The following LRP2BP variants were observed in gnomAD, a reference collection of about 807,000 sequenced individuals.
LRP2BP encodes the protein LRP2-binding protein.
Under a neutral mutation model 45.2 loss-of-function variants are expected in LRP2BP, and 38 were observed. That is an observed-to-expected ratio of 0.84 (90% CI 0.65 to 1.10). LRP2BP has a LOEUF of 1.10. LRP2BP is among the 50% of genes least tolerant of loss of function. The pLI is 0.00. For synonymous variants in LRP2BP, 153 were observed against 153.9 expected (o/e 0.99, Z 0.04); for missense variants, 385 against 418.9 (o/e 0.92, Z 0.71).
At chr4:185,394,379 T>C (rs2095496439) in intron 1 of LRP2BP, among the ~76,000 whole-genome samples, 1 of 151,920 alleles carries the variant, frequency 6.6e-6, no homozygotes, top group African/African-American at 2.4e-5. Context: ...GAATGTGGGC[T>C]CTGGAGTCAA....
At position 185,395,173 on chromosome 4, in the gene LRP2BP, C is replaced by T. The variant is rs1004614378; in HGVS notation, c.-416G>A. The T allele has an allele frequency of 2.0e-6, 2 of 985,282 alleles. No homozygotes were observed. Among genetic ancestry groups the T allele is most frequent in the Admixed American group, 1.2e-4 (2 of 16,264 alleles). The allele number at this position is 985,282 out of a possible 1,614,324, so 61.0% of individuals were successfully genotyped here. On this transcript the variant is annotated 5_prime_UTR_variant, in exon 1 of 9. Coordinates refer to ENST00000505916, the MANE Select transcript of LRP2BP (RefSeq NM_001377440.1). Reference sequence around the variant, plus strand: ...AAGCTGTAACGACTCCCCAAATTTCCTTTCCTTATGAAATTTACGTATGTA... The same window carrying T: ...AAGCTGTAACGACTCCCCAAATTTCTTTTCCTTATGAAATTTACGTATGTA...
At chr4:185,373,209 C>T in intron 6 of LRP2BP, 130 bp from the exon 7 acceptor site, 1 of 817,260 alleles carries the variant, frequency 1.2e-6, no homozygotes, top group South Asian at 1.8e-5. Context: ...GAGCGGTAGG[C>T]CTTTGGACGC....
At position 185,374,468 on chromosome 4, in the gene LRP2BP, CAAAA is replaced by C. The variant is rs958099757; in HGVS notation, c.331-11_331-8del. The C allele has an allele frequency of 2.5e-6, 4 of 1,605,384 alleles. No homozygotes were observed. Among genetic ancestry groups the C allele is most frequent in the South Asian group, 1.1e-5 (1 of 88,968 alleles). Reference sequence around the variant, plus strand: ...TATAGTCCACCCCTTTCTCCTTCGACAAAAGAAAGAGCAAAAAAACCCTAGTTTT... The same window carrying C: ...TATAGTCCACCCCTTTCTCCTTCGACGAAAGAGCAAAAAAACCCTAGTTTT... On this transcript the variant is annotated splice_region_variant and splice_polypyrimidine_tract_variant and intron_variant, in intron 4 of 8. Coordinates refer to ENST00000505916, the MANE Select transcript of LRP2BP (RefSeq NM_001377440.1).
chr4:185,380,190 T>C (rs755083868), intron 1 of LRP2BP, among the ~76,000 whole-genome samples: 1 of 150,600 alleles, frequency 6.6e-6, no homozygotes, highest in South Asian at 2.1e-4. Flanking sequence ...ATATTTATTA[T>C]GTTTTGGGAA....
At position 185,370,787 on chromosome 4, in the gene LRP2BP, G is replaced by A. The variant is rs1421766491; in HGVS notation, c.831C>T (p.Asp277=). The part of the protein sequence containing the change: ...KRIADYDEVH[D]IPMIAQVTDC... ...CTGTGACCTGGGCGATCATGGGGAT[G>A]TCGTGAACCTCATCATAGTCAGCGA... Residue 277 remains aspartate, a synonymous_variant, in exon 8 of 9, where the codon GAC becomes GAT. Coordinates refer to ENST00000505916, the MANE Select transcript of LRP2BP (RefSeq NM_001377440.1). The A allele has an allele frequency of 2.5e-6, 4 of 1,614,162 alleles. No individual in the cohort carries two copies. The highest frequency in any genetic ancestry group is 1.1e-5 in the South Asian group (1 of 91,082).
chr4:185,392,296 C>A (rs1047591923), intron 1 of LRP2BP, among the ~76,000 whole-genome samples: 56 of 152,136 alleles, frequency 3.7e-4, no homozygotes, highest in Admixed American at 3.7e-3. Flanking sequence ...GACCACTGGA[C>A]CCTTCTGATT....
At position 185,378,081 on chromosome 4, in the gene LRP2BP, CA is replaced by C. The variant is rs761401564; in HGVS notation, c.105del (p.Asp36IlefsTer15). Reference protein sequence around the residue: ...QKFFQWKKEKTDYTHANLVDK... With the variant: ...QKFFQWKKEKXDYTHANLVDK... ...GAAGCTTAAATATCAGGATTTGTACCAGTCTTTTCCTTTTTCCACTGGAAAA... is the reference window on the plus strand; with the variant it reads ...GAAGCTTAAATATCAGGATTTGTACCGTCTTTTCCTTTTTCCACTGGAAAA... On this transcript the variant is annotated frameshift_variant and splice_region_variant, in exon 2 of 9. Transcript: ENST00000505916. LOFTEE classifies it high-confidence loss of function. 2 of 1,609,768 alleles carry C rather than the reference CA, an allele frequency of 1.2e-6. No individual in the cohort carries two copies. Among genetic ancestry groups the C allele is most frequent in the South Asian group, 2.2e-5 (2 of 90,692 alleles).
Position 185,394,973 on chromosome 4 carries a change from A to T in LRP2BP, c.-216T>A. 3 of 985,504 alleles carry T rather than the reference A, an allele frequency of 3.0e-6. No individual in the cohort carries two copies. The highest frequency in any genetic ancestry group is 3.6e-6 in the Non-Finnish European group (3 of 829,944). The allele number at this position is 985,504 out of a possible 1,614,324, so 61.0% of individuals were successfully genotyped here. A position where few individuals can be genotyped will look rare whatever the true frequency, so the allele number is the denominator to read the frequency against. On this transcript the variant is annotated 5_prime_UTR_variant, in exon 1 of 9. Transcript: ENST00000505916. ...CCTGGTGAAACTCCAGTTACTTGCC[A>T]GTAAGATATTGTCCCCCAAATGTAC...
upstream of LRP2BP, chr4:185,395,957 G>A (rs774677305): frequency 9.1e-5 from 87 of 958,240 alleles, 1 homozygote; most frequent in Admixed American, 1.8e-4. Flanking sequence ...AGCTGCCATC[G>A]GAAGTCAGGT....
At chr4:185,396,751 C>A, upstream of LRP2BP, 2 of 688,416 alleles carry the variant, frequency 2.9e-6, no homozygotes, top group East Asian at 2.6e-5. Flanking sequence ...GATTAGGCTG[C>A]TCGGGCGTAA....
At chr4:185,397,267 T>A, upstream of LRP2BP, 1 of 1,614,094 alleles carries the variant, frequency 6.2e-7, no homozygotes, top group Non-Finnish European at 8.5e-7. Flanking sequence ...CTTTCTTCTC[T>A]GGCAGCTGCA....
chr4:185,379,186 T>G (rs150102591), intron 1 of LRP2BP, among the ~76,000 whole-genome samples: 3 of 152,352 alleles, frequency 2.0e-5, no homozygotes, highest in African/African-American at 7.2e-5. Flanking sequence ...AATGTTCCTT[T>G]TTAGATATAT....
rs369864477 is a variant in LRP2BP at position 185,367,147 on chromosome 4, G to T, written c.*33C>A. 72 of 1,553,298 alleles carry T rather than the reference G, an allele frequency of 4.6e-5. No individual in the cohort carries two copies. Among genetic ancestry groups the T allele is most frequent in the Non-Finnish European group, 6.0e-5 (68 of 1,127,860 alleles). The stretch of plus-strand genomic sequence containing the variant: ...AAAATACACACATTGTGAGGTGTTA[G>T]CATTGATGATCTTTGTTGAAATACA... On this transcript the variant is annotated 3_prime_UTR_variant, in exon 9 of 9. Transcript: ENST00000505916.
chr4:185,371,946 G>A (rs572704647), intron 7 of LRP2BP, among the ~76,000 whole-genome samples: 2 of 152,306 alleles, frequency 1.3e-5, no homozygotes, highest in South Asian at 4.1e-4. Context: ...CGCAGAGTCT[G>A]ATGGCCACTC....
At chr4:185,369,865 G>A (rs995130393) in intron 8 of LRP2BP, 69 of 391,802 alleles carry the variant, frequency 1.8e-4, no homozygotes, top group South Asian at 2.2e-4. Flanking sequence ...ATGCAGAGAA[G>A]CTTGGGAACC....
At chr4:185,391,515 T>TATTC (rs1466274125) in intron 1 of LRP2BP, among the ~76,000 whole-genome samples, 3 of 152,224 alleles carry the variant, frequency 2.0e-5, no homozygotes, top group Non-Finnish European at 4.4e-5. Context: ...TTTATTTATT[T>TATTC]ATTCATTCAG....
chr4:185,365,627 T>C lies in LRP2BP; in HGVS notation c.*1553A>G, dbSNP rs1289363065. ...CCTCAGCCTCCCAAAGTGCTGGGAT[T>C]ACAGACGTGAGCCACTGCGCCGGGC... On this transcript the variant is annotated 3_prime_UTR_variant, in exon 9 of 9. Coordinates refer to ENST00000505916, the MANE Select transcript of LRP2BP (RefSeq NM_001377440.1). The C allele has an allele frequency of 1.3e-5, 2 of 149,196 alleles. No homozygotes were observed. Among genetic ancestry groups the C allele is most frequent in the East Asian group, 3.9e-4 (2 of 5,118 alleles). 9.2% of individuals were successfully genotyped at this position (149,196 alleles called of 1,614,324 possible).
chr4:185,394,237 C>T (rs1034057307), intron 1 of LRP2BP, among the ~76,000 whole-genome samples: 4 of 131,932 alleles, frequency 3.0e-5, no homozygotes, highest in African/African-American at 1.2e-4. Flanking sequence ...CCAATCTGGG[C>T]AAGACAGCGA....
At chr4:185,390,418 C>G (rs1434025916) in intron 1 of LRP2BP, among the ~76,000 whole-genome samples, 1 of 151,464 alleles carries the variant, frequency 6.6e-6, no homozygotes, top group Non-Finnish European at 1.5e-5. Context: ...ACTAGGGAGG[C>G]TGAGGCAGGA....
Sources: allele counts gnomAD v4.1 joint callset (sites outside exome capture counted in the v4.1 genomes callset), GRCh38; gene constraint gnomAD v4.1.1; transcripts MANE v1.5; gene names NCBI Gene and HGNC (gene_info 2026-07-23, HGNC 2026-07-21).